PTER: variants seen among roughly 807,000 people sequenced by gnomAD.
PTER encodes the protein phosphotriesterase related.
PTER carries 38 observed loss-of-function variants against 29.6 expected under a neutral mutation model. The ratio of observed to expected loss-of-function variants is 1.28; its 90% CI spans 0.99 to 1.68. The LOEUF is 1.68. PTER is among the 40% of genes most tolerant of loss of function. PTER has a pLI of 0.00. For synonymous variants in PTER, 172 were observed against 154.5 expected, an observed-to-expected ratio of 1.11 and a Z score of -0.84; for missense variants, 482 against 427.8, an observed-to-expected ratio of 1.13 and a Z score of -1.12.
At chr10:16,500,023 A>G (rs1461993248) in intron 3 of PTER, among the ~76,000 whole-genome samples, 1 of 149,206 alleles carries the variant, frequency 6.7e-6, no homozygotes, top group East Asian at 2.0e-4. Flanking sequence ...GGCATGAGCC[A>G]CTCACTGCAT....
intron 1 of PTER, among the ~76,000 whole-genome samples, chr10:16,456,863 G>GGGT (rs1554787516): frequency 2.0e-5 from 1 of 49,936 alleles, no homozygotes. Context: ...TGGGGAAGGT[G>GGGT]GGGGGGGGTT....
intron 1 of PTER, among the ~76,000 whole-genome samples, chr10:16,477,462 C>A (rs1205096586): frequency 1.3e-5 from 2 of 152,146 alleles, no homozygotes. Flanking sequence ...CAGGCGTGAG[C>A]TACTGTGCCC....
chr10:16,463,215 A>T (rs1201458802), intron 1 of PTER, among the ~76,000 whole-genome samples: 1 of 150,774 alleles, frequency 6.6e-6, no homozygotes, highest in Non-Finnish European at 1.5e-5. Flanking sequence ...AAAAAAAAAA[A>T]AAAAAAATAC....
the PTER span, among the ~76,000 whole-genome samples, chr10:16,518,897 T>C: frequency 6.6e-6 from 1 of 152,154 alleles, no homozygotes; most frequent in Non-Finnish European, 1.5e-5. Flanking sequence ...TCCATTCTGG[T>C]ACAGTGAGTC....
intron 1 of PTER, among the ~76,000 whole-genome samples, chr10:16,467,845 G>T (rs1272823482): frequency 6.6e-6 from 1 of 152,062 alleles, no homozygotes; most frequent in East Asian, 1.9e-4. Flanking sequence ...TGCCTTCTGA[G>T]AACTTGGAGT....
At chr10:16,471,318 A>C (rs918111322) in intron 1 of PTER, among the ~76,000 whole-genome samples, 1 of 152,180 alleles carries the variant, frequency 6.6e-6, no homozygotes, top group Non-Finnish European at 1.5e-5. Flanking sequence ...TTCAAAATGT[A>C]TATGTTACTA....
chr10:16,511,284 AG>A lies in PTER; in HGVS notation c.*29del, dbSNP rs1467459577. ...TGGTTGCTTATGAATTCACACCTTG[AG>A]TATAAAACTTGCAGAGAACATTCAG... On this transcript the variant is annotated 3_prime_UTR_variant, in exon 5 of 5. Transcript: ENST00000535784. The A allele has an allele frequency of 6.3e-7, 1 of 1,579,918 alleles. No homozygotes were observed. The highest frequency in any genetic ancestry group is 2.2e-5 in the East Asian group (1 of 44,692).
intron 1 of PTER, among the ~76,000 whole-genome samples, chr10:16,440,125 G>C (rs555022037): frequency 1.6e-4 from 24 of 148,968 alleles, no homozygotes; most frequent in African/African-American, 6.0e-4. Context: ...GAGTGCAGTG[G>C]CCCTATCTTG....
rs370657038 is a variant in PTER at position 16,484,737 on chromosome 10, G to A, written c.353G>A (p.Gly118Asp). Reference sequence around the variant, plus strand: ...TTGAAGAGGCTTGCAGAAGAGACTGGCGTCCATATCATATCTGGAGCCGGG... The same window carrying A: ...TTGAAGAGGCTTGCAGAAGAGACTGACGTCCATATCATATCTGGAGCCGGG... ...QTLKRLAEET[G>D]VHIISGAGFY... Residue 118 changes from glycine to aspartate, a missense_variant, in exon 2 of 5, where the codon GGC becomes GAC. Gly to Asp is a moderately conservative substitution (Grantham distance 94). Transcript: ENST00000535784. 6 of 1,613,938 alleles carry A rather than the reference G, an allele frequency of 3.7e-6. No homozygotes were observed. The African/African-American group carries it at 8.0e-5, about 22-fold the overall frequency.
chr10:16,457,840 C>T (rs1685141239), intron 1 of PTER, among the ~76,000 whole-genome samples: 1 of 151,680 alleles, frequency 6.6e-6, no homozygotes, highest in South Asian at 2.1e-4. Flanking sequence ...AACTCCCAGC[C>T]TCAGGTGATC....
chr10:16,469,901 GTTT>G (rs60896166), intron 1 of PTER, among the ~76,000 whole-genome samples: 24,001 of 147,804 alleles, frequency 0.16, 2,839 homozygotes, highest in African/African-American at 0.34. Context: ...TTGTTTTTTT[GTTT>G]TTTTTTTTAA....
intron 1 of PTER, among the ~76,000 whole-genome samples, chr10:16,455,263 T>C (rs1834355686): frequency 6.6e-6 from 1 of 151,846 alleles, no homozygotes; most frequent in African/African-American, 2.4e-5. Flanking sequence ...TAAGCAGAGC[T>C]GTTCTCCTGA....
intron 1 of PTER, among the ~76,000 whole-genome samples, chr10:16,456,419 A>G (rs1030457841): frequency 6.6e-6 from 1 of 152,206 alleles, no homozygotes; most frequent in Non-Finnish European, 1.5e-5. Context: ...ATATCCTGCC[A>G]GTCTCCGCAG....
chr10:16,496,806 TGATGGATAGATG>T (rs1039383106), intron 3 of PTER, among the ~76,000 whole-genome samples: 46 of 152,172 alleles, frequency 3.0e-4, no homozygotes, highest in African/African-American at 9.9e-4. Flanking sequence ...TTAAATGGAA[TGATGGATAGATG>T]GATGGATAGA....
downstream of PTER, among the ~76,000 whole-genome samples, chr10:16,518,231 C>G (rs983377489): frequency 1.3e-5 from 2 of 152,178 alleles, no homozygotes; most frequent in African/African-American, 2.4e-5. Context: ...GCAGACTGGA[C>G]TTGACAAAAT....
chr10:16,479,251 T>G (rs1164817369), intron 1 of PTER, among the ~76,000 whole-genome samples: 1 of 152,212 alleles, frequency 6.6e-6, no homozygotes, highest in Non-Finnish European at 1.5e-5. Flanking sequence ...TTTCTTTCTT[T>G]TCATTCAGGC....
chr10:16,508,270 G>A (rs982577964), intron 4 of PTER, among the ~76,000 whole-genome samples: 7 of 151,820 alleles, frequency 4.6e-5, no homozygotes, highest in Non-Finnish European at 7.4e-5. Context: ...GGGTTTCACC[G>A]TGTTAGCCAG....
chr10:16,484,198 G>C (rs529810617), intron 1 of PTER, 139 bp from the exon 2 acceptor site: 6 of 587,862 alleles, frequency 1.0e-5, no homozygotes, highest in African/African-American at 3.7e-5. Flanking sequence ...CGGCAGGATT[G>C]TGAGATCGTA....
chr10:16,482,868 G>A (rs1835531293), intron 1 of PTER, among the ~76,000 whole-genome samples: 2 of 151,954 alleles, frequency 1.3e-5, no homozygotes, highest in South Asian at 4.1e-4. Flanking sequence ...TGCAACCTCC[G>A]CCTCCTGGGT....
Sources: gnomAD v4.1 joint callset for allele counts (sites outside exome capture counted in the v4.1 genomes callset) on GRCh38, gnomAD v4.1.1 for gene constraint, MANE v1.5 for transcripts, NCBI Gene and HGNC (gene_info 2026-07-23, HGNC 2026-07-21) for gene names.